Variants in PITPNM2 observed in about 807,000 individuals in gnomAD.
PITPNM2 encodes membrane-associated phosphatidylinositol transfer protein 2.
PITPNM2 carries 35 observed loss-of-function variants against 132.2 expected under a neutral mutation model. The observed-to-expected ratio is 0.26, with a 90% CI of 0.20 to 0.35. The LOEUF (loss-of-function observed/expected upper bound fraction) is 0.35. PITPNM2 is among the 10% of genes least tolerant of loss of function. The pLI, the probability that PITPNM2 is intolerant of heterozygous loss-of-function variation, is 1.00. For synonymous variants in PITPNM2, 738 were observed against 799.2 expected, an observed-to-expected ratio of 0.92 and a Z score of 1.29; for missense variants, 1,332 against 1,912.0, an observed-to-expected ratio of 0.70 and a Z score of 5.66.
chr12:123,096,685 C>T (rs1351598419), intron 2 of PITPNM2, among the ~76,000 whole-genome samples: 2 of 152,172 alleles, frequency 1.3e-5, no homozygotes, highest in Non-Finnish European at 2.9e-5. Context: ...AAACAAGGGT[C>T]CCAACACCAG....
Position 123,000,865 on chromosome 12 carries a change from G to A in PITPNM2, c.1154-17C>T. 2.5e-6 allele frequency: 4 copies of A among 1,613,938 alleles called. No homozygotes were observed. The South Asian group carries it at 4.4e-5, about 18-fold the overall frequency. ...ACAGACCATCTGCAAAGACACAGAA[G>A]CCGTGCTGTGAGCTGAGGGGCAGCC... On this transcript the variant is annotated splice_polypyrimidine_tract_variant and intron_variant, in intron 9 of 25. Transcript: ENST00000320201. The surrounding 1 kb of genome is among the most constrained non-coding windows in gnomAD (Gnocchi z 5.4).
intron 1 of PITPNM2, among the ~76,000 whole-genome samples, chr12:123,143,466 C>T (rs1428712026): frequency 3.3e-5 from 5 of 152,124 alleles, no homozygotes; most frequent in East Asian, 1.9e-4. Context: ...AGTAATAATC[C>T]GTATGACGTA....
intron 1 of PITPNM2, among the ~76,000 whole-genome samples, chr12:123,131,662 G>T (rs531271799): frequency 6.6e-6 from 1 of 152,252 alleles, no homozygotes; most frequent in South Asian, 2.1e-4. Context: ...TCTTGCCCCA[G>T]TCACAGAACC....
rs767767282 is a variant in PITPNM2 at position 122,997,400 on chromosome 12, C to T, written c.1397G>A (p.Ser466Asn). 5.6e-6 allele frequency: 9 copies of T among 1,613,506 alleles called. No homozygotes were observed. The South Asian group carries it at 9.9e-5, about 18-fold the overall frequency. The change falls in exon 11 of 26, where the codon AGC (serine) becomes AAC (asparagine). Residue 466 changes from serine to asparagine, a missense_variant. Ser to Asn is a conservative substitution (Grantham distance 46). Transcript: ENST00000320201. ...GCGGATGGCAAGGCGGCCCAGGGCG[C>T]TGGGGTAGTGCACGCGCATGACGGT... is the stretch of plus-strand genomic sequence containing the variant. ...FDTVMRVHYP[S>N]ALGRLAIRLV...
At chr12:123,112,538 CTT>C (rs113732529) in intron 1 of PITPNM2, among the ~76,000 whole-genome samples, 29 of 140,016 alleles carry the variant, frequency 2.1e-4, no homozygotes, top group Admixed American at 2.2e-4. Flanking sequence ...CTTCAATATA[CTT>C]TTTTTTTTTT....
chr12:122,986,727 A>G lies in PITPNM2; in HGVS notation c.3516T>C (p.His1172=). 1.2e-6 allele frequency: 2 copies of G among 1,613,418 alleles called. No individual in the cohort carries two copies. The highest frequency in any genetic ancestry group is 1.7e-5 in the Admixed American group (1 of 60,020). ...GGCCGTCACAGAAGGACACCACGCCATGGGGGAAGTTGTGCTGGGCCAGCC... is the reference window on the plus strand; with the variant it reads ...GGCCGTCACAGAAGGACACCACGCCGTGGGGGAAGTTGTGCTGGGCCAGCC... ...VAWLAQHNFP[H]GVVSFCDGLV... The change falls in exon 24 of 26, where the codon CAT becomes CAC. Residue 1172 remains histidine (H), a synonymous_variant. Coordinates refer to ENST00000320201, the MANE Select transcript of PITPNM2 (RefSeq NM_020845.3).
At position 123,023,189 on chromosome 12, in the gene PITPNM2, G is replaced by A. The variant is rs779129487; in HGVS notation, c.79-9147C>T. On this transcript the variant is annotated intron_variant, in intron 3 of 25. Transcript: ENST00000320201. The surrounding 1 kb of genome is among the most constrained non-coding windows in gnomAD (Gnocchi z 4.8). ...GAGCCTGACCCCAGGGTAGAAATGT[G>A]TCTCCTGGACTTGGTGTATGGCGCA... Among the ~76,000 whole-genome samples, 2 of 152,264 alleles carry A rather than the reference G, an allele frequency of 1.3e-5. No individual in the cohort carries two copies. Among genetic ancestry groups the A allele is most frequent in the Non-Finnish European group, 2.9e-5 (2 of 68,048 alleles).
At chr12:123,127,853 C>G (rs1002606905) in intron 1 of PITPNM2, among the ~76,000 whole-genome samples, 1 of 152,126 alleles carries the variant, frequency 6.6e-6, no homozygotes. Context: ...TCGTGATCCG[C>G]CCGCCTTGGC....
intron 2 of PITPNM2, chr12:123,092,574 GCTC>G (rs1418046212): frequency 2.6e-5 from 4 of 152,216 alleles, no homozygotes; most frequent in African/African-American, 9.7e-5. Flanking sequence ...GGCCCAAAAG[GCTC>G]CTCAAGGCTT....
intron 18 of PITPNM2, among the ~76,000 whole-genome samples, chr12:122,989,188 G>A (rs2038076212): frequency 6.6e-6 from 1 of 152,168 alleles, no homozygotes; most frequent in South Asian, 2.1e-4. Flanking sequence ...TCTGCCCCGT[G>A]GCAACCCCAT....
At chr12:123,133,660 T>C (rs1442012251) in intron 1 of PITPNM2, among the ~76,000 whole-genome samples, 2 of 152,184 alleles carry the variant, frequency 1.3e-5, no homozygotes, top group Non-Finnish European at 2.9e-5. Flanking sequence ...TACTTTTCCC[T>C]TCAACCTCCT....
At chr12:123,026,645 G>A (rs2039871793) in intron 3 of PITPNM2, among the ~76,000 whole-genome samples, 1 of 152,214 alleles carries the variant, frequency 6.6e-6, no homozygotes, top group African/African-American at 2.4e-5. Flanking sequence ...GGGGCCAGGA[G>A]GGTCCCTTCC....
chr12:123,027,770 G>A (rs2039919614), intron 3 of PITPNM2, among the ~76,000 whole-genome samples: 1 of 152,210 alleles, frequency 6.6e-6, no homozygotes, highest in Non-Finnish European at 1.5e-5. Context: ...AATGAAGAAT[G>A]GATTCTAGTT....
At chr12:123,084,775 A>T (rs2137046053) in intron 2 of PITPNM2, 1 of 152,386 alleles carries the variant, frequency 6.6e-6, no homozygotes, top group Admixed American at 6.5e-5. Flanking sequence ...CCATTAAATT[A>T]AAAAGAAGAA....
chr12:123,005,924 CCT>C lies in PITPNM2; in HGVS notation c.644-378_644-377del, dbSNP rs2038909603. ...ATCAGCCTGGGCAACGAAACAAGAC[CCT>C]GTCTCTATAAAAAAAAAAAAAATTA... On this transcript the variant is annotated intron_variant, in intron 6 of 25. Coordinates refer to ENST00000320201, the MANE Select transcript of PITPNM2 (RefSeq NM_020845.3). The surrounding 1 kb of genome is among the most constrained non-coding windows in gnomAD (Gnocchi z 6.2). 1 of 199,124 alleles carries C rather than the reference CCT, an allele frequency of 5.0e-6. No homozygotes were observed. The highest frequency in any genetic ancestry group is 9.9e-6 in the Non-Finnish European group (1 of 100,612). 12.3% of individuals were successfully genotyped at this position (199,124 alleles called of 1,614,324 possible).
chr12:123,148,609 G>A (rs1051776795), intron 1 of PITPNM2, among the ~76,000 whole-genome samples: 1 of 152,124 alleles, frequency 6.6e-6, no homozygotes, highest in Non-Finnish European at 1.5e-5. Flanking sequence ...GGAAGGCAAC[G>A]GGTCCCCATA....
chr12:123,151,727 G>A (rs1469123622), upstream of PITPNM2, among the ~76,000 whole-genome samples: 1 of 152,158 alleles, frequency 6.6e-6, no homozygotes, highest in Non-Finnish European at 1.5e-5. Context: ...CCCCCGGTGG[G>A]GGAGCGCCTG....
At chr12:123,016,921 C>T (rs2039448206) in intron 3 of PITPNM2, among the ~76,000 whole-genome samples, 1 of 151,740 alleles carries the variant, frequency 6.6e-6, no homozygotes, top group Admixed American at 6.6e-5. Context: ...TGGTGTGTGC[C>T]TGTAGTCCCA....
Position 122,997,349 on chromosome 12 carries a change from G to A in PITPNM2, c.1448C>T (p.Ser483Phe). ...CTTGGAGACCAGGGCAAAGGCGTCA[G>A]AGCAGACGGGCGGGCAGGGCACCAG... is the stretch of plus-strand genomic sequence containing the variant. ...IRLVPCPPVC[S>F]DAFALVSNLS... The change falls in exon 11 of 26, where the codon TCT (serine) becomes TTT (phenylalanine). Residue 483 changes from serine to phenylalanine, a missense_variant. Coordinates refer to ENST00000320201, the MANE Select transcript of PITPNM2 (RefSeq NM_020845.3). The A allele has an allele frequency of 1.2e-6, 2 of 1,613,242 alleles. No individual in the cohort carries two copies. The highest frequency in any genetic ancestry group is 1.7e-6 in the Non-Finnish European group (2 of 1,179,948).
Sources: gnomAD v4.1 joint callset for allele counts (sites outside exome capture counted in the v4.1 genomes callset) on GRCh38, gnomAD v4.1.1 for gene constraint, Gnocchi (gnomAD v3.1) non-coding constraint, MANE v1.5 for transcripts, NCBI Gene and HGNC (gene_info 2026-07-23, HGNC 2026-07-21) for gene names.